The following SLC7A14 variants were observed in gnomAD, a reference collection of about 807,000 sequenced individuals.
SLC7A14 encodes gamma-aminobutyric acid transporter SLC7A14.
A neutral mutation model predicts 60.2 loss-of-function variants in SLC7A14; 37 were observed. The observed-to-expected ratio is 0.61, with a 90% CI of 0.47 to 0.81. The LOEUF (loss-of-function observed/expected upper bound fraction) is 0.81, where lower values mean the gene tolerates loss of function less well. Among genes scored for constraint, SLC7A14 ranks in the 30% least tolerant of loss-of-function variants. The pLI is 0.00. For synonymous variants in SLC7A14, 399 were observed against 395.8 expected (o/e 1.01, Z -0.10); for missense variants, 886 against 982.7 (o/e 0.90, Z 1.32).
intron 1 of SLC7A14, among the ~76,000 whole-genome samples, chr3:170,543,280 C>T (rs7617841): frequency 0.18 from 27,510 of 152,022 alleles, 2,670 homozygotes; most frequent in African/African-American, 0.27. Flanking sequence ...GTGTCTCGAA[C>T]CAGCCCAAGG....
chr3:170,497,326 G>T (rs79600497), intron 4 of SLC7A14, among the ~76,000 whole-genome samples: 9,313 of 152,250 alleles, frequency 0.061, 348 homozygotes, highest in South Asian at 0.095. Context: ...TCAAAGAGGA[G>T]GGATGAACTT....
At chr3:170,528,688 C>A (rs575251377) in intron 1 of SLC7A14, among the ~76,000 whole-genome samples, 3 of 152,320 alleles carry the variant, frequency 2.0e-5, no homozygotes, top group East Asian at 1.9e-4. Flanking sequence ...TTCTTGACAA[C>A]ACCTTAGATA....
chr3:170,510,681 G>C (rs1354357316), intron 2 of SLC7A14, among the ~76,000 whole-genome samples: 14 of 152,304 alleles, frequency 9.2e-5, no homozygotes, highest in Admixed American at 8.5e-4. Context: ...AATCCACAGG[G>C]TTATCTGTGC....
intron 7 of SLC7A14, among the ~76,000 whole-genome samples, chr3:170,471,090 GGT>G (rs113891859): frequency 0.012 from 1,812 of 146,032 alleles, 13 homozygotes; most frequent in East Asian, 0.019. Context: ...TCTGGGAAGG[GGT>G]GTGTGTGTGT....
At chr3:170,560,794 C>A (rs772516502) in intron 1 of SLC7A14, among the ~76,000 whole-genome samples, 7 of 152,148 alleles carry the variant, frequency 4.6e-5, no homozygotes, top group Admixed American at 1.3e-4. Flanking sequence ...AAAATTATCT[C>A]CAATTAATCT....
intron 1 of SLC7A14, among the ~76,000 whole-genome samples, chr3:170,549,307 C>T (rs533720280): frequency 1.2e-3 from 185 of 151,842 alleles, no homozygotes; most frequent in Admixed American, 2.0e-3. Flanking sequence ...CGCTGCCTCC[C>T]GGGTTCAAGC....
chr3:170,547,823 G>T (rs1289460383), intron 1 of SLC7A14, among the ~76,000 whole-genome samples: 1 of 152,196 alleles, frequency 6.6e-6, no homozygotes, highest in African/African-American at 2.4e-5. Context: ...CTGCAGGATT[G>T]TTCATTTTAT....
intron 1 of SLC7A14, among the ~76,000 whole-genome samples, chr3:170,575,273 T>C (rs1029158656): frequency 6.6e-6 from 1 of 152,220 alleles, no homozygotes; most frequent in African/African-American, 2.4e-5. Flanking sequence ...ATAATTTATA[T>C]GCAAGCATGA....
Position 170,518,616 on chromosome 3 carries a change from T to A in SLC7A14, c.304+8017A>T, listed in dbSNP as rs376228875. ...AGTGCCTAGAGAATGATACCTAACCTTCCCGGCATGGCCTCCAAATCCCTC... is the reference window on the plus strand; with the variant it reads ...AGTGCCTAGAGAATGATACCTAACCATCCCGGCATGGCCTCCAAATCCCTC... On this transcript the variant is annotated intron_variant, in intron 2 of 7. Transcript: ENST00000231706. Among the ~76,000 whole-genome samples the A allele has an allele frequency of 1.7e-4, 26 of 152,346 alleles. No homozygotes were observed. In the East Asian group the frequency reaches 3.9e-3, roughly 23 times the overall value.
At position 170,486,328 on chromosome 3, in the gene SLC7A14, C is replaced by G. The variant is rs1473869228; in HGVS notation, c.800G>C (p.Gly267Ala). The G allele has an allele frequency of 3.1e-6, 5 of 1,614,200 alleles. No homozygotes were observed. In the South Asian group the frequency reaches 5.5e-5, roughly 18 times the overall value. ...GAATCFYAFI[G>A]FDIIATTGEE... is the part of the protein sequence containing the mutation. ...TCCAGTGGTGGCGATGATGTCAAAG[C>G]CAATGAAAGCGTAGAAGCATGTTGC... The change falls in exon 5 of 8, where the codon GGC becomes GCC. Residue 267 changes from glycine to alanine, a missense_variant. By Grantham distance (60) the Gly-to-Ala change is moderately conservative. Transcript: ENST00000231706.
At chr3:170,544,455 A>G (rs185151530) in intron 1 of SLC7A14, among the ~76,000 whole-genome samples, 13 of 152,340 alleles carry the variant, frequency 8.5e-5, no homozygotes, top group Non-Finnish European at 1.0e-4. Context: ...AAGCCTAGAT[A>G]ATCCTCGCCT....
intron 7 of SLC7A14, 63 bp from the exon 8 acceptor site, chr3:170,467,440 G>A: frequency 9.6e-7 from 1 of 1,041,518 alleles, no homozygotes; most frequent in Non-Finnish European, 1.2e-6. Context: ...GGGACTAGCA[G>A]AGAGATCACC....
intron 4 of SLC7A14, among the ~76,000 whole-genome samples, 192 bp from the exon 5 acceptor site, chr3:170,486,560 C>T (rs1424269968): frequency 2.6e-5 from 4 of 152,160 alleles, no homozygotes; most frequent in Non-Finnish European, 4.4e-5. Context: ...GGGCAACTCT[C>T]TTATGATGTG....
In SLC7A14 at chr3:170,501,284, G is replaced by T; in HGVS notation, c.366C>A (p.Tyr122Ter). Reference sequence around the variant, plus strand: ...CAAATTCCCCAACAGTGACATAGCTGTAGGTGTAGGCAGATCCTGTGGTCT... The same window carrying T: ...CAAATTCCCCAACAGTGACATAGCTTTAGGTGTAGGCAGATCCTGTGGTCT... Reference protein sequence around the residue: ...VPKTTGSAYTYSYVTVGEFVA... With the variant: ...VPKTTGSAYT Residue 122 changes from tyrosine to a stop codon, truncating the protein, a stop_gained, in exon 3 of 8, where the codon TAC becomes TAA. Coordinates refer to ENST00000231706, the MANE Select transcript of SLC7A14 (RefSeq NM_020949.3). LOFTEE classifies it high-confidence loss of function. The T allele has an allele frequency of 6.2e-7, 1 of 1,614,218 alleles. No individual in the cohort carries two copies. The highest frequency in any genetic ancestry group is 8.5e-7 in the Non-Finnish European group (1 of 1,180,032).
intron 1 of SLC7A14, among the ~76,000 whole-genome samples, chr3:170,541,866 T>C (rs373345500): frequency 2.0e-5 from 3 of 152,146 alleles, no homozygotes; most frequent in African/African-American, 7.2e-5. Context: ...TCCTTTAAAA[T>C]CAGAAAAGAA....
At chr3:170,495,540 A>G (rs1205795716) in intron 4 of SLC7A14, 75 of 737,642 alleles carry the variant, frequency 1.0e-4, no homozygotes, top group Non-Finnish European at 8.4e-5. Flanking sequence ...TGCCCACATC[A>G]GCTCTTCAAG....
At chr3:170,496,212 G>A in intron 4 of SLC7A14, 4 of 921,072 alleles carry the variant, frequency 4.3e-6, no homozygotes, top group Middle Eastern at 2.6e-4. Flanking sequence ...CAGCATCATC[G>A]CTGAGGTCAA....
intron 2 of SLC7A14, among the ~76,000 whole-genome samples, chr3:170,502,189 C>G (rs1352432418): frequency 6.6e-6 from 1 of 152,084 alleles, no homozygotes; most frequent in African/African-American, 2.4e-5. Flanking sequence ...GGAGTGTGCA[C>G]TGAGGTATTA....
chr3:170,546,531 A>G (rs1041923680), intron 1 of SLC7A14, among the ~76,000 whole-genome samples: 5 of 152,184 alleles, frequency 3.3e-5, no homozygotes, highest in African/African-American at 1.2e-4. Context: ...TGGTGGTATG[A>G]ACAGAGAAGG....
Sources: allele counts gnomAD v4.1 joint callset (sites outside exome capture counted in the v4.1 genomes callset), GRCh38; gene constraint gnomAD v4.1.1; transcripts MANE v1.5; gene names NCBI Gene and HGNC (gene_info 2026-07-23, HGNC 2026-07-21).